Variants in PARVA observed in about 807,000 individuals in gnomAD.
The protein encoded by PARVA is alpha-parvin.
PARVA carries 25 observed loss-of-function variants against 52.6 expected under a neutral mutation model. The observed-to-expected ratio is 0.48, with a 90% CI of 0.35 to 0.66. PARVA has a LOEUF of 0.66. Among genes scored for constraint, PARVA ranks in the 30% least tolerant of loss-of-function variants. PARVA has a pLI of 0.01. For missense variants in PARVA, 373 were observed against 450.9 expected (o/e 0.83, Z 1.56); for synonymous variants, 185 against 179.1 (o/e 1.03, Z -0.26).
At chr11:12,497,047 C>T (rs1941308294) in intron 5 of PARVA, among the ~76,000 whole-genome samples, 1 of 152,122 alleles carries the variant, frequency 6.6e-6, no homozygotes, top group South Asian at 2.1e-4. Flanking sequence ...CCTTCATTTT[C>T]TAGAAAGAGC....
At chr11:12,377,814 G>T in intron 1 of PARVA, 31 bp downstream of exon 1, 3 of 1,465,438 alleles carry the variant, frequency 2.0e-6, no homozygotes, top group Non-Finnish European at 2.7e-6. Flanking sequence ...CGGGCGGGCG[G>T]TAGGAGCCGG....
intron 1 of PARVA, among the ~76,000 whole-genome samples, chr11:12,472,937 G>T (rs1015761227): frequency 1.3e-5 from 2 of 152,168 alleles, no homozygotes; most frequent in African/African-American, 2.4e-5. Context: ...GGCTCCATGT[G>T]GGGGCTGGTC....
chr11:12,451,467 A>G (rs1408577476), intron 1 of PARVA, among the ~76,000 whole-genome samples: 1 of 151,160 alleles, frequency 6.6e-6, no homozygotes, highest in African/African-American at 2.4e-5. Flanking sequence ...TTTCTGTCTG[A>G]TATCTGGATA....
At chr11:12,401,454 G>A (rs61875453) in intron 1 of PARVA, among the ~76,000 whole-genome samples, 16,598 of 152,174 alleles carry the variant, frequency 0.11, 1,278 homozygotes, top group African/African-American at 0.21. Context: ...ATGGGATCCT[G>A]TTTTTCAAAA....
intron 1 of PARVA, among the ~76,000 whole-genome samples, chr11:12,419,031 T>C (rs1430413074): frequency 6.6e-6 from 1 of 152,198 alleles, no homozygotes; most frequent in Non-Finnish European, 1.5e-5. Flanking sequence ...TATTAAGTGG[T>C]TGAATTTATG....
chr11:12,483,469 G>C (rs543917985), intron 4 of PARVA, among the ~76,000 whole-genome samples: 1 of 152,196 alleles, frequency 6.6e-6, no homozygotes, highest in Non-Finnish European at 1.5e-5. Flanking sequence ...GAGAAACCAC[G>C]TAACAACACA....
chr11:12,511,373 T>G, intron 7 of PARVA, 141 bp from the exon 8 acceptor site: 2 of 796,656 alleles, frequency 2.5e-6, no homozygotes, highest in Non-Finnish European at 4.1e-6. Context: ...GGAGGCTTTT[T>G]GAGCTCCTCA....
At chr11:12,402,436 G>A (rs1255530801) in intron 1 of PARVA, among the ~76,000 whole-genome samples, 1 of 152,230 alleles carries the variant, frequency 6.6e-6, no homozygotes, top group Non-Finnish European at 1.5e-5. Flanking sequence ...CATAGTAAAT[G>A]TTAACTAAGG....
chr11:12,403,493 C>T (rs776629482), intron 1 of PARVA, among the ~76,000 whole-genome samples: 8 of 152,276 alleles, frequency 5.3e-5, no homozygotes, highest in Middle Eastern at 3.4e-3. Context: ...GGTTCTGATG[C>T]GGTGGGACTC....
intron 1 of PARVA, among the ~76,000 whole-genome samples, chr11:12,384,420 C>T (rs777071055): frequency 3.9e-5 from 6 of 152,236 alleles, no homozygotes; most frequent in Non-Finnish European, 8.8e-5. Context: ...AAAACAAAAA[C>T]TCTTGCCTTC....
chr11:12,511,443 C>T, intron 7 of PARVA, 71 bp from the exon 8 acceptor site: 4 of 1,531,262 alleles, frequency 2.6e-6, no homozygotes, highest in Non-Finnish European at 3.6e-6. Flanking sequence ...ATGGAGTGTC[C>T]TTTCAGAGGA....
intron 1 of PARVA, among the ~76,000 whole-genome samples, chr11:12,416,934 C>A: frequency 6.6e-6 from 1 of 152,102 alleles, no homozygotes; most frequent in East Asian, 1.9e-4. Context: ...TCTTGTGGGT[C>A]TCTAGTAATC....
At chr11:12,505,066 A>G (rs1941417545) in intron 6 of PARVA, among the ~76,000 whole-genome samples, 2 of 152,034 alleles carry the variant, frequency 1.3e-5, no homozygotes, top group South Asian at 4.2e-4. Context: ...TGGCTGTGTA[A>G]TTTCCACAAT....
At chr11:12,434,920 C>T (rs1940366398) in intron 1 of PARVA, among the ~76,000 whole-genome samples, 5 of 152,214 alleles carry the variant, frequency 3.3e-5, no homozygotes. Flanking sequence ...CCCCCAGCTT[C>T]TAACATAACC....
chr11:12,426,549 ATAAATATATTCTCTCATTT>A (rs1209497210), intron 1 of PARVA, among the ~76,000 whole-genome samples: 1 of 119,556 alleles, frequency 8.4e-6, no homozygotes, highest in East Asian at 1.9e-4. Context: ...GCTCCAAGCA[ATAAATATATTCTCTCATTT>A]AATACTGAGA....
chr11:12,458,630 T>C (rs1940731227), intron 1 of PARVA, among the ~76,000 whole-genome samples: 1 of 152,212 alleles, frequency 6.6e-6, no homozygotes, highest in African/African-American at 2.4e-5. Flanking sequence ...AGAAAGACTC[T>C]GGCCCCCAGT....
intron 12 of PARVA, among the ~76,000 whole-genome samples, chr11:12,524,902 T>C (rs902945844): frequency 3.3e-5 from 5 of 152,216 alleles, no homozygotes; most frequent in African/African-American, 1.2e-4. Context: ...AGGAAGCATG[T>C]GGGAGTTTTG....
In PARVA at chr11:12,532,008, C is replaced by T. The variant is rs1190376812; in HGVS notation, c.*4083C>T. 6.6e-6 allele frequency among the ~76,000 whole-genome samples: 1 copy of T among 152,190 alleles called. No individual in the cohort carries two copies. The highest frequency in any genetic ancestry group is 1.5e-5 in the Non-Finnish European group (1 of 68,034). On this transcript the variant is annotated 3_prime_UTR_variant, in exon 13 of 13. Transcript: ENST00000334956. ...AGAGTTTCGACTGTGTTTTTACTCTCTGCTCCCTGAAAACTGTAACCCCAG... is the reference window on the plus strand; with the variant it reads ...AGAGTTTCGACTGTGTTTTTACTCTTTGCTCCCTGAAAACTGTAACCCCAG...
upstream of PARVA, chr11:12,376,788 A>T: frequency 1.1e-6 from 1 of 914,762 alleles, no homozygotes; most frequent in Non-Finnish European, 1.3e-6. Context: ...TCCTTCAAAC[A>T]CTGTGCTTTG....
Sources: allele counts gnomAD v4.1 joint callset (sites outside exome capture counted in the v4.1 genomes callset), GRCh38; gene constraint gnomAD v4.1.1; transcripts MANE v1.5; gene names NCBI Gene and HGNC (gene_info 2026-07-23, HGNC 2026-07-21).